Variants in HAUS4 observed in about 807,000 individuals in gnomAD.
HAUS4 encodes the protein HAUS augmin-like complex subunit 4.
A neutral mutation model predicts 50.6 loss-of-function variants in HAUS4; 34 were observed. The observed-to-expected ratio is 0.67, with a 90% CI of 0.51 to 0.90. HAUS4 has a LOEUF of 0.90. HAUS4 is among the 40% of genes least tolerant of loss of function. The probability of loss-of-function intolerance (pLI) is 0.00; values close to 1 mark genes in which losing one functional copy is unlikely to be tolerated. For synonymous variants in HAUS4, 149 were observed against 161.4 expected, an observed-to-expected ratio of 0.92 and a Z score of 0.58; for missense variants, 370 against 428.7, an observed-to-expected ratio of 0.86 and a Z score of 1.21.
chr14:22,947,617 T>C lies in HAUS4; in HGVS notation c.823A>G (p.Met275Val), dbSNP rs150993819. 1.3e-5 allele frequency: 21 copies of C among 1,614,154 alleles called. No individual in the cohort carries two copies. Among genetic ancestry groups the C allele is most frequent in the Non-Finnish European group, 1.5e-5 (18 of 1,180,006 alleles). Residue 275 changes from methionine (M) to valine (V), a missense_variant, in exon 8 of 10, where the codon ATG (methionine) becomes GTG (valine). Transcript: ENST00000541587. ...ACAGCTCACCTCAGCTTAAGGATCATAGCACCGCACTTGACTTCCAGGTAC... is the reference window on the plus strand; with the variant it reads ...ACAGCTCACCTCAGCTTAAGGATCACAGCACCGCACTTGACTTCCAGGTAC... ...AQYLEVKCGA[M>V]ILKLRMEELK...
chr14:22,953,061 G>A (rs1286889483), intron 2 of HAUS4, among the ~76,000 whole-genome samples: 4 of 152,292 alleles, frequency 2.6e-5, no homozygotes, highest in Non-Finnish European at 4.4e-5. Context: ...AACACAACAC[G>A]TGAAGTTCCA....
rs754797272 is a variant in HAUS4 at position 22,946,625 on chromosome 14, C to T, written c.992G>A (p.Gly331Glu). 2.5e-6 allele frequency: 4 copies of T among 1,613,760 alleles called. No individual in the cohort carries two copies. The highest frequency in any genetic ancestry group is 1.7e-5 in the Admixed American group (1 of 59,978). Residue 331 changes from glycine (G) to glutamate (E), a missense_variant, in exon 10 of 10, where the codon GGG becomes GAG. Transcript: ENST00000541587. ...TTTCACCAGCCTGTCAAACTCCTCC[C>T]CAAGGACCTCATAGGAGTTCAGGAC... ...RQVLNSYEVLGEEFDRLVKEY... is the reference protein window; with the variant it reads ...RQVLNSYEVLEEEFDRLVKEY...
At chr14:22,950,436 A>C (rs1455276290) in intron 5 of HAUS4, 26 bp from the exon 6 acceptor site, 10 of 1,415,778 alleles carry the variant, frequency 7.1e-6, no homozygotes, top group Non-Finnish European at 1.0e-5. Flanking sequence ...TAAAGGCAGA[A>C]ATGCGAATAG....
In HAUS4 at chr14:22,946,270, C is replaced by T. The variant is rs1371331460; in HGVS notation, c.*255G>A. 1 of 329,744 alleles carries T rather than the reference C, an allele frequency of 3.0e-6. No homozygotes were observed. Among genetic ancestry groups the T allele is most frequent in the Non-Finnish European group, 5.5e-6 (1 of 182,852 alleles). 20.4% of individuals were successfully genotyped at this position (329,744 alleles called of 1,614,324 possible). On this transcript the variant is annotated 3_prime_UTR_variant, in exon 10 of 10. Coordinates refer to ENST00000541587, the MANE Select transcript of HAUS4 (RefSeq NM_001166269.2). ...ACTTTATTCAGGAGATAATCAAATA[C>T]AATACAGGGCTGACACTGACACACA...
intron 7 of HAUS4, 45 bp downstream of exon 7, chr14:22,947,823 T>C: frequency 4.3e-6 from 7 of 1,611,008 alleles, no homozygotes; most frequent in Non-Finnish European, 5.9e-6. Flanking sequence ...AAAGTGCTCC[T>C]GGGGTCAGGA....
rs2044836460 is a variant in HAUS4, at chr14:22,955,163, CT to C, written c.-10del. ...AAATCCCCGGATGCCATTTGATTTT[CT>C]TGGGATTCTAATCTGTGGAACCAAG... On this transcript the variant is annotated 5_prime_UTR_variant, in exon 2 of 10. Coordinates refer to ENST00000541587, the MANE Select transcript of HAUS4 (RefSeq NM_001166269.2). 6.2e-7 allele frequency: 1 copy of C among 1,604,664 alleles called. No homozygotes were observed. The highest frequency in any genetic ancestry group is 8.5e-7 in the Non-Finnish European group (1 of 1,171,432).
chr14:22,946,393 G>T lies in HAUS4; in HGVS notation c.*132C>A. 1.8e-6 allele frequency: 1 copy of T among 569,190 alleles called. No homozygotes were observed. The highest frequency in any genetic ancestry group is 3.0e-6 in the Non-Finnish European group (1 of 337,492). The allele number at this position is 569,190 out of a possible 1,614,324, so 35.3% of individuals were successfully genotyped here. ...AAACCAGGAGAGTGCCTAAATGACT[G>T]CAGTGTTTCAAGCGTAAGCATTTCC... On this transcript the variant is annotated 3_prime_UTR_variant, in exon 10 of 10. Coordinates refer to ENST00000541587, the MANE Select transcript of HAUS4 (RefSeq NM_001166269.2).
At chr14:22,948,070 A>T in intron 6 of HAUS4, 57 bp from the exon 7 acceptor site, 10 of 1,496,558 alleles carry the variant, frequency 6.7e-6, no homozygotes, top group Non-Finnish European at 8.1e-6. Flanking sequence ...ATCCCTGTAA[A>T]GCAACCTTCC....
At chr14:22,951,444 G>T in intron 5 of HAUS4, 111 bp downstream of exon 5, 2 of 1,246,858 alleles carry the variant, frequency 1.6e-6, no homozygotes, top group Non-Finnish European at 2.3e-6. Context: ...TGACCACCCT[G>T]AATGTGTATC....
rs1473313395 is a variant in HAUS4, at chr14:22,947,181, G to A, written c.898C>T (p.Arg300Cys). 1.3e-6 allele frequency: 2 copies of A among 1,592,912 alleles called. No individual in the cohort carries two copies. The highest frequency in any genetic ancestry group is 1.7e-6 in the Non-Finnish European group (2 of 1,161,262). ...CTTAGGAGTTCTCACCTAATCAGAC[G>A]ATGAACTTCCACTTTCTCAACAGTG... Reference protein sequence around the residue: ...TYTVEKVEVHRLIRDRLEGAI... With the variant: ...TYTVEKVEVHCLIRDRLEGAI... The change falls in exon 9 of 10, where the codon CGT (arginine) becomes TGT (cysteine). Residue 300 changes from arginine (R) to cysteine (C), a missense_variant. Coordinates refer to ENST00000541587, the MANE Select transcript of HAUS4 (RefSeq NM_001166269.2).
chr14:22,949,640 A>G (rs1385840516), intron 6 of HAUS4, among the ~76,000 whole-genome samples: 1 of 152,144 alleles, frequency 6.6e-6, no homozygotes, highest in Non-Finnish European at 1.5e-5. Flanking sequence ...TACTACGTCT[A>G]GAAACACATT....
chr14:22,948,698 G>C (rs1594540271), intron 6 of HAUS4, among the ~76,000 whole-genome samples: 1 of 151,806 alleles, frequency 6.6e-6, no homozygotes, highest in African/African-American at 2.4e-5. Context: ...ACTACACCCA[G>C]CTAATTTTTT....
intron 6 of HAUS4, among the ~76,000 whole-genome samples, chr14:22,949,328 G>C (rs995890686): frequency 6.6e-6 from 1 of 151,800 alleles, no homozygotes; most frequent in Non-Finnish European, 1.5e-5. Context: ...AGGAGACTGA[G>C]ACCATCCTGG....
intron 6 of HAUS4, among the ~76,000 whole-genome samples, chr14:22,949,528 CAAAAAAAAA>C (rs5807198): frequency 0.011 from 858 of 75,406 alleles, 7 homozygotes; most frequent in African/African-American, 0.039. Context: ...GACTTCGTCT[CAAAAAAAAA>C]AAAAAAAAAA....
intron 6 of HAUS4, among the ~76,000 whole-genome samples, chr14:22,948,886 A>G (rs1457657456): frequency 6.6e-6 from 1 of 151,946 alleles, no homozygotes; most frequent in Non-Finnish European, 1.5e-5. Flanking sequence ...CAAGTGTGGT[A>G]GCTCATGCCT....
At chr14:22,950,610 A>T (rs1280034257) in intron 5 of HAUS4, among the ~76,000 whole-genome samples, 200 bp from the exon 6 acceptor site, 1 of 152,186 alleles carries the variant, frequency 6.6e-6, no homozygotes, top group East Asian at 1.9e-4. Flanking sequence ...AACATGGGGG[A>T]TCCAGGAGCC....
chr14:22,949,428 C>G (rs990859451), intron 6 of HAUS4, among the ~76,000 whole-genome samples: 1 of 147,996 alleles, frequency 6.8e-6, no homozygotes, highest in Non-Finnish European at 1.5e-5. Context: ...ACTCGGGAGG[C>G]TGAGGCAGGA....
intron 5 of HAUS4, among the ~76,000 whole-genome samples, chr14:22,950,850 T>C (rs1012017939): frequency 6.6e-6 from 1 of 152,230 alleles, no homozygotes; most frequent in Non-Finnish European, 1.5e-5. Context: ...TACATCCATA[T>C]AATAGAATCC....
At chr14:22,954,409 C>G (rs1210359631) in intron 2 of HAUS4, 1 of 152,080 alleles carries the variant, frequency 6.6e-6, no homozygotes, top group Non-Finnish European at 1.5e-5. Context: ...TAGAAAGGAT[C>G]TGAGATATGG....
Sources: gnomAD v4.1 joint callset for allele counts (sites outside exome capture counted in the v4.1 genomes callset) on GRCh38, gnomAD v4.1.1 for gene constraint, MANE v1.5 for transcripts, NCBI Gene and HGNC (gene_info 2026-07-23, HGNC 2026-07-21) for gene names.